The following TRIM14 variants were observed in gnomAD, a reference collection of about 807,000 sequenced individuals.
TRIM14 encodes tripartite motif containing 14.
Under a neutral mutation model 44.5 loss-of-function variants are expected in TRIM14, and 28 were observed. The ratio of observed to expected loss-of-function variants is 0.63; its 90% CI spans 0.47 to 0.86. The LOEUF is 0.86. Among genes scored for constraint, TRIM14 ranks in the 40% least tolerant of loss-of-function variants. The probability of loss-of-function intolerance (pLI) is 0.00; values close to 1 mark genes in which losing one functional copy is unlikely to be tolerated. For synonymous variants in TRIM14, 299 were observed against 269.2 expected (o/e 1.11, Z -1.08); for missense variants, 607 against 611.1 (o/e 0.99, Z 0.07).
downstream of TRIM14, chr9:98,084,340 G>A (rs958470049): frequency 6.6e-6 from 1 of 152,242 alleles, no homozygotes; most frequent in Non-Finnish European, 1.5e-5. Flanking sequence ...TGAACTCCCA[G>A]TGAAGACCAT....
At position 98,075,669 on chromosome 9, in the gene TRIM14, A is replaced by AT. The variant is rs547010286; in HGVS notation, c.*29-5983dup. The AT allele has an allele frequency of 1.1e-4, 17 of 152,198 alleles. No individual in the cohort carries two copies. In the East Asian group the frequency reaches 2.7e-3, roughly 24 times the overall value. 9.4% of individuals were successfully genotyped at this position (152,198 alleles called of 1,614,324 possible). On this transcript the variant is annotated intron_variant, in intron 6 of 6. Transcript: ENST00000375098. The stretch of plus-strand genomic sequence containing the variant: ...TCTGAGTCACCATTCAGAGACATTG[A>AT]TTTTTTCGACTTTTGATTTCCAACT...
At chr9:98,053,353 T>A in the TRIM14 span, among the ~76,000 whole-genome samples, 1 of 152,280 alleles carries the variant, frequency 6.6e-6, no homozygotes, top group Middle Eastern at 3.4e-3. Context: ...CAAGGTTAAG[T>A]TCAAGGACAT....
chr9:98,084,219 AG>A (rs1360931445), downstream of TRIM14: 2 of 152,152 alleles, frequency 1.3e-5, no homozygotes, highest in African/African-American at 4.8e-5. Context: ...ACTATGTGTC[AG>A]GTTCCTGTGC....
the TRIM14 span, among the ~76,000 whole-genome samples, chr9:98,045,742 G>A: frequency 1.3e-5 from 2 of 152,152 alleles, no homozygotes; most frequent in Non-Finnish European, 2.9e-5. Context: ...CTGAAGTAGA[G>A]CTTCTTCTAA....
intron 5 of TRIM14, among the ~76,000 whole-genome samples, 161 bp from the exon 6 acceptor site, chr9:98,088,166 C>T (rs1457269298): frequency 4.6e-5 from 7 of 152,096 alleles, no homozygotes. Context: ...GCCCCTGGGG[C>T]GGGGTCTTGG....
At chr9:98,059,958 G>C in the TRIM14 span, among the ~76,000 whole-genome samples, 1 of 152,302 alleles carries the variant, frequency 6.6e-6, no homozygotes, top group South Asian at 2.1e-4. Flanking sequence ...GGATGTTCCT[G>C]TCCCTGAGAG....
intron 1 of TRIM14, among the ~76,000 whole-genome samples, chr9:98,115,159 G>A (rs1261804035): frequency 3.3e-5 from 5 of 151,636 alleles, no homozygotes; most frequent in South Asian, 2.1e-4. Context: ...GCATGATCTC[G>A]GCTCACTGCA....
At chr9:98,114,049 A>G (rs2118680873) in intron 1 of TRIM14, among the ~76,000 whole-genome samples, 1 of 152,368 alleles carries the variant, frequency 6.6e-6, no homozygotes, top group South Asian at 2.1e-4. Context: ...CTGGAAGTCC[A>G]AAAGAGACAC....
Position 98,085,800 on chromosome 9 carries a change from T to C in TRIM14, c.*1670A>G, listed in dbSNP as rs542595572. The C allele has an allele frequency of 4.6e-5, 7 of 152,306 alleles. No individual in the cohort carries two copies. The highest frequency in any genetic ancestry group is 1.2e-4 in the African/African-American group (5 of 41,560). The allele number at this position is 152,306 out of a possible 1,614,324, so 9.4% of individuals were successfully genotyped here. On this transcript the variant is annotated 3_prime_UTR_variant, in exon 6 of 6. Coordinates refer to ENST00000341469, the MANE Select transcript of TRIM14 (RefSeq NM_014788.4). The stretch of plus-strand genomic sequence containing the variant: ...AGTGCCATTTTTAACTCAAAAACTA[T>C]TGAAAATTGTCAGTTTTATATGGTT...
At chr9:98,077,024 G>A (rs1829623682) in intron 6 of TRIM14, 1 of 1,596,300 alleles carries the variant, frequency 6.3e-7, no homozygotes, top group African/African-American at 1.3e-5. Context: ...AAAGGTAAGT[G>A]TCTAATTTTT....
At chr9:98,118,601 G>A (rs891016213) in intron 1 of TRIM14, among the ~76,000 whole-genome samples, 3 of 152,142 alleles carry the variant, frequency 2.0e-5, no homozygotes, top group Non-Finnish European at 4.4e-5. Flanking sequence ...AGCTACACAG[G>A]GCTGTTTATT....
At chr9:98,037,037 G>C in the TRIM14 span, among the ~76,000 whole-genome samples, 1 of 152,106 alleles carries the variant, frequency 6.6e-6, no homozygotes, top group Non-Finnish European at 1.5e-5. Flanking sequence ...CTACACTCTA[G>C]AGGGAATGAC....
At chr9:98,117,603 C>G (rs1446018341) in intron 1 of TRIM14, among the ~76,000 whole-genome samples, 3 of 152,166 alleles carry the variant, frequency 2.0e-5, no homozygotes, top group South Asian at 2.1e-4. Context: ...CTGCTTATGT[C>G]ATTTTAATGT....
rs1255202596 is a variant in TRIM14, at chr9:98,094,928, C to T, written c.639G>A (p.Lys213=). The T allele has an allele frequency of 6.2e-7, 1 of 1,614,184 alleles. No homozygotes were observed. Among genetic ancestry groups the T allele is most frequent in the Admixed American group, 1.7e-5 (1 of 60,022 alleles). The stretch of plus-strand genomic sequence containing the variant: ...TACTCTCCACGGCTTCCACGAGGCC[C>T]TTAAAGAAGCTCTTGACGGGCTCAA... ...LSFEPVKSFF[K]GLVEAVESTL... is the part of the protein sequence containing the mutation. Residue 213 remains lysine, a synonymous_variant, in exon 4 of 6, where the codon AAG becomes AAA. Transcript: ENST00000341469.
At chr9:98,060,262 G>A in the TRIM14 span, among the ~76,000 whole-genome samples, 11 of 152,184 alleles carry the variant, frequency 7.2e-5, no homozygotes, top group African/African-American at 2.2e-4. Flanking sequence ...AAAAAAATAG[G>A]GGGAGGTCTC....
At chr9:98,043,099 T>C in the TRIM14 span, among the ~76,000 whole-genome samples, 745 of 152,258 alleles carry the variant, frequency 4.9e-3, 7 homozygotes, top group African/African-American at 0.017. Flanking sequence ...GACCTCTTTT[T>C]TTCCCCCTAT....
Position 98,087,534 on chromosome 9 carries a change from T to A in TRIM14, c.1265A>T (p.Gln422Leu), listed in dbSNP as rs1335380279. The change falls in exon 6 of 6, where the codon CAG (glutamine) becomes CTG (leucine). Residue 422 changes from glutamine to leucine, a missense_variant. Transcript: ENST00000341469. ...SHLHTFRATF[Q>L]EPLYPALRLW... is the part of the protein sequence containing the mutation. ...CCGCAGGGCCGGGTAGAGCGGCTCCTGGAACGTGGCGCGGAAGGTATGCAG... is the reference window on the plus strand; with the variant it reads ...CCGCAGGGCCGGGTAGAGCGGCTCCAGGAACGTGGCGCGGAAGGTATGCAG... The A allele has an allele frequency of 6.3e-7, 1 of 1,597,346 alleles. No homozygotes were observed. Among genetic ancestry groups the A allele is most frequent in the African/African-American group, 1.3e-5 (1 of 74,716 alleles).
At chr9:98,080,787 A>C (rs1829818155), downstream of TRIM14, 1 of 1,546,470 alleles carries the variant, frequency 6.5e-7, no homozygotes, top group Non-Finnish European at 8.7e-7. Flanking sequence ...CATGATATTT[A>C]ATGTTATTTT....
rs562699727 is a variant in TRIM14, at chr9:98,090,656, C to T, written c.793+1253G>A. Reference sequence around the variant, plus strand: ...TCGGCTCACTGCAACCTTCGCCTCCCGGGTTCAAGCGATTCTCCTGCCTCA... The same window carrying T: ...TCGGCTCACTGCAACCTTCGCCTCCTGGGTTCAAGCGATTCTCCTGCCTCA... On this transcript the variant is annotated intron_variant, in intron 5 of 5. Transcript: ENST00000341469. Among the ~76,000 whole-genome samples the T allele has an allele frequency of 7.3e-4, 110 of 151,070 alleles. 1 individual carries two copies. In the South Asian group the frequency reaches 9.2e-3, roughly 13 times the overall value.
Sources: gnomAD v4.1 joint callset for allele counts (sites outside exome capture counted in the v4.1 genomes callset) on GRCh38, gnomAD v4.1.1 for gene constraint, MANE v1.5 for transcripts, NCBI Gene and HGNC (gene_info 2026-07-23, HGNC 2026-07-21) for gene names.